Variants in SLC17A5 observed in about 807,000 individuals in gnomAD.
The protein encoded by SLC17A5 is solute carrier family 17 member 5.
A neutral mutation model predicts 59.4 loss-of-function variants in SLC17A5; 47 were observed. The ratio of observed to expected loss-of-function variants is 0.79; its 90% CI spans 0.63 to 1.01. The LOEUF is 1.01. SLC17A5 is among the 50% of genes least tolerant of loss of function. The pLI, the probability that SLC17A5 is intolerant of heterozygous loss-of-function variation, is 0.00. For synonymous variants in SLC17A5, 202 were observed against 210.7 expected (o/e 0.96, Z 0.36); for missense variants, 522 against 595.5 (o/e 0.88, Z 1.28).
intron 6 of SLC17A5, among the ~76,000 whole-genome samples, chr6:73,631,203 G>T (rs1768691922): frequency 6.6e-6 from 1 of 151,310 alleles, no homozygotes; most frequent in South Asian, 2.1e-4. Flanking sequence ...CCACTTTACA[G>T]TGAGCTGAGA....
chr6:73,622,172 G>T (rs1768183025), intron 6 of SLC17A5, among the ~76,000 whole-genome samples: 1 of 152,016 alleles, frequency 6.6e-6, no homozygotes, highest in South Asian at 2.1e-4. Context: ...ATATTAACTA[G>T]AAAGTCCATG....
chr6:73,608,249 A>C (rs1190622203), intron 9 of SLC17A5, among the ~76,000 whole-genome samples: 5 of 152,168 alleles, frequency 3.3e-5, no homozygotes. Flanking sequence ...TCCTAAAGTC[A>C]CATGATATTC....
At chr6:73,637,895 T>C (rs1162607844) in intron 4 of SLC17A5, among the ~76,000 whole-genome samples, 1 of 152,296 alleles carries the variant, frequency 6.6e-6, no homozygotes, top group East Asian at 1.9e-4. Context: ...ATAAAACTCA[T>C]GTTATCTCAC....
In SLC17A5 at chr6:73,653,816, G is replaced by A. The variant is rs1369406388; in HGVS notation, c.71C>T (p.Pro24Leu). ...ACCGGCTTCGGCCCGTGGGGCGCCC[G>A]GTAGAAGAGGCGTGCGGTCCGTGCT... ...EESTDRTPLL[P>L]GAPRAEAAPV... Residue 24 changes from proline (P) to leucine (L), a missense_variant, in exon 1 of 11, where the codon CCG becomes CTG. Physicochemically the swap from Pro to Leu is moderately conservative, Grantham distance 98. Around this residue, in one of 3 missense-constraint regions of SLC17A5, gnomAD observed 338 missense variants for 363.8 expected, o/e 0.93. Coordinates refer to ENST00000355773, the MANE Select transcript of SLC17A5 (RefSeq NM_012434.5). 6.3e-7 allele frequency: 1 copy of A among 1,598,886 alleles called. No homozygotes were observed. The highest frequency in any genetic ancestry group is 2.3e-5 in the East Asian group (1 of 44,084).
At chr6:73,653,683 G>C in intron 1 of SLC17A5, 110 bp downstream of exon 1, 1 of 1,198,184 alleles carries the variant, frequency 8.3e-7, no homozygotes, top group Non-Finnish European at 1.2e-6. Flanking sequence ...CGCCTGAGCA[G>C]CTCCGGTCCC....
At chr6:73,642,000 A>T (rs1581988000) in intron 2 of SLC17A5, 76 bp from the exon 3 acceptor site, 2 of 1,260,540 alleles carry the variant, frequency 1.6e-6, no homozygotes, top group Non-Finnish European at 2.3e-6. Context: ...CTGGCATGTA[A>T]GTACATATAA....
At chr6:73,624,281 G>A (rs1768295024) in intron 6 of SLC17A5, among the ~76,000 whole-genome samples, 1 of 151,950 alleles carries the variant, frequency 6.6e-6, no homozygotes, top group Non-Finnish European at 1.5e-5. Flanking sequence ...GTGCGCAGCA[G>A]TAATTCCAGC....
intron 2 of SLC17A5, among the ~76,000 whole-genome samples, chr6:73,643,488 T>A (rs1769386343): frequency 6.6e-6 from 1 of 151,484 alleles, no homozygotes; most frequent in Non-Finnish European, 1.5e-5. Flanking sequence ...ATTTATTTAT[T>A]TTTTTGAGAC....
At chr6:73,633,888 A>T (rs1768881375) in intron 6 of SLC17A5, among the ~76,000 whole-genome samples, 1 of 151,500 alleles carries the variant, frequency 6.6e-6, no homozygotes, top group Admixed American at 6.6e-5. Flanking sequence ...TAAAAAAAAA[A>T]ATAAATAAAA....
intron 7 of SLC17A5, among the ~76,000 whole-genome samples, chr6:73,620,509 T>C (rs1202799805): frequency 2.6e-5 from 4 of 152,182 alleles, no homozygotes; most frequent in African/African-American, 7.2e-5. Flanking sequence ...GTGCAATTTG[T>C]GGAAATATTT....
intron 1 of SLC17A5, among the ~76,000 whole-genome samples, chr6:73,651,460 CAAAA>C (rs538079302): frequency 3.3e-5 from 1 of 29,912 alleles, no homozygotes; most frequent in Non-Finnish European, 7.6e-5. Flanking sequence ...AACTCCGTCT[CAAAA>C]AAAAAAAAAA....
chr6:73,610,410 T>C lies in SLC17A5; in HGVS notation c.1249A>G (p.Ile417Val). 6.2e-7 allele frequency: 1 copy of C among 1,614,062 alleles called. No homozygotes were observed. Among genetic ancestry groups the C allele is most frequent in the Non-Finnish European group, 8.5e-7 (1 of 1,179,970 alleles). ...SSGFSINHLD[I>V]APSYAGILLG... is the part of the protein sequence containing the mutation. ...TATATTAGTACTCACGAAGGAGCAATATCCAGATGGTTGATGCTAAATCCA... is the reference window on the plus strand; with the variant it reads ...TATATTAGTACTCACGAAGGAGCAACATCCAGATGGTTGATGCTAAATCCA... Residue 417 changes from isoleucine (I) to valine (V), a missense_variant, in exon 9 of 11, where the codon ATT (isoleucine) becomes GTT (valine). Transcript: ENST00000355773.
At chr6:73,602,503 G>T (rs1413089572) in intron 9 of SLC17A5, among the ~76,000 whole-genome samples, 1 of 152,038 alleles carries the variant, frequency 6.6e-6, no homozygotes, top group South Asian at 2.1e-4. Context: ...GGCTGGGCGC[G>T]GTGGCTCACG....
In SLC17A5 at chr6:73,638,425, G is replaced by C; in HGVS notation, c.600C>G (p.Ser200Arg). ...APPLERSKLLSISYAGAQLGT... is the reference protein window; with the variant it reads ...APPLERSKLLRISYAGAQLGT... ...TTGTTATCTCACCTGCATATGAAATGCTAAGAAGTTTGCTTCTTTCAAGAG... is the reference window on the plus strand; with the variant it reads ...TTGTTATCTCACCTGCATATGAAATCCTAAGAAGTTTGCTTCTTTCAAGAG... The change falls in exon 4 of 11, where the codon AGC (serine) becomes AGG (arginine). Residue 200 changes from serine to arginine, a missense_variant. Physicochemically the swap from Ser to Arg is moderately radical, Grantham distance 110 (BLOSUM62 -1). This residue lies in a region of SLC17A5 where 338 missense variants were observed against 363.8 expected (regional missense o/e 0.93). Transcript: ENST00000355773. 1 of 1,613,128 alleles carries C rather than the reference G, an allele frequency of 6.2e-7. No individual in the cohort carries two copies. Among genetic ancestry groups the C allele is most frequent in the Non-Finnish European group, 8.5e-7 (1 of 1,179,144 alleles).
chr6:73,626,742 TCATATGTGTGA>T (rs1221801348), intron 6 of SLC17A5, among the ~76,000 whole-genome samples: 2 of 152,206 alleles, frequency 1.3e-5, no homozygotes, highest in Non-Finnish European at 2.9e-5. Context: ...AAAACCCTTG[TCATATGTGTGA>T]CATATGTGTG....
chr6:73,612,307 A>G (rs1467976687), intron 8 of SLC17A5, among the ~76,000 whole-genome samples: 1 of 151,908 alleles, frequency 6.6e-6, no homozygotes, highest in Non-Finnish European at 1.5e-5. Context: ...GGACAGCCAC[A>G]CACCACCACG....
rs1038976958 is a variant in SLC17A5, at chr6:73,638,348, C to G, written c.613+64G>C. On this transcript the variant is annotated intron_variant, in intron 4 of 10. Transcript: ENST00000355773. ...ATTGCATCGTTCTGGTATGCAGGCCCTTTTTCCCAAAGGTTGATATATACA... is the reference window on the plus strand; with the variant it reads ...ATTGCATCGTTCTGGTATGCAGGCCGTTTTTCCCAAAGGTTGATATATACA... 116 of 1,227,628 alleles carry G rather than the reference C, an allele frequency of 9.4e-5. 1 individual carries two copies. Among genetic ancestry groups the G allele is most frequent in the Middle Eastern group, 1.8e-4 (1 of 5,414 alleles). The allele number at this position is 1,227,628 out of a possible 1,614,324, so 76.0% of individuals were successfully genotyped here.
intron 2 of SLC17A5, 23 bp downstream of exon 2, chr6:73,644,384 T>C: frequency 1.3e-6 from 2 of 1,581,472 alleles, no homozygotes; most frequent in African/African-American, 1.3e-5. Context: ...ATTAAAATTG[T>C]TTCCTTAAAA....
Position 73,600,340 on chromosome 6 carries a change from T to C in SLC17A5, c.1350+11A>G. ...AAACCTTTCCAGTTTACAAGTAAAT[T>C]ATCTACTTACATCAGGGGTCAGACT... On this transcript the variant is annotated intron_variant, in intron 10 of 10. Coordinates refer to ENST00000355773, the MANE Select transcript of SLC17A5 (RefSeq NM_012434.5). 6.3e-7 allele frequency: 1 copy of C among 1,596,596 alleles called. No individual in the cohort carries two copies. Among genetic ancestry groups the C allele is most frequent in the Middle Eastern group, 1.7e-4 (1 of 6,036 alleles).
Sources: allele counts gnomAD v4.1 joint callset (sites outside exome capture counted in the v4.1 genomes callset), GRCh38; gene constraint gnomAD v4.1.1; regional missense constraint gnomAD v4.1.1; transcripts MANE v1.5; gene names NCBI Gene and HGNC (gene_info 2026-07-23, HGNC 2026-07-21).